The following NECTIN2 variants were observed in gnomAD, a reference collection of about 807,000 sequenced individuals.
The protein encoded by NECTIN2 is nectin-2.
NECTIN2 carries 23 observed loss-of-function variants against 56.9 expected under a neutral mutation model. The observed-to-expected ratio is 0.40, with a 90% CI of 0.29 to 0.57. The LOEUF is 0.57. NECTIN2 is among the 20% of genes least tolerant of loss of function. The probability of loss-of-function intolerance (pLI) is 0.38; values close to 1 mark genes in which losing one functional copy is unlikely to be tolerated. For synonymous variants in NECTIN2, 302 were observed against 313.8 expected (o/e 0.96, Z 0.40); for missense variants, 587 against 718.3 (o/e 0.82, Z 2.09).
chr19:44,884,302 C>T (rs529316460), intron 6 of NECTIN2, among the ~76,000 whole-genome samples: 205 of 152,144 alleles, frequency 1.3e-3, no homozygotes, highest in African/African-American at 4.8e-3. Context: ...AATGGGACCA[C>T]GTACCACCAC....
At chr19:44,870,368 G>A (rs1337991872) in intron 2 of NECTIN2, among the ~76,000 whole-genome samples, 1 of 152,112 alleles carries the variant, frequency 6.6e-6, no homozygotes, top group Non-Finnish European at 1.5e-5. Context: ...AGAAGGCGGT[G>A]GGAAGGGAGA....
At chr19:44,862,270 C>G (rs1227662916) in intron 1 of NECTIN2, among the ~76,000 whole-genome samples, 3 of 69,160 alleles carry the variant, frequency 4.3e-5, no homozygotes, top group Non-Finnish European at 7.9e-5. Context: ...AAAAAATTCA[C>G]TGTGTGTGGT....
At chr19:44,873,105 C>T (rs949296692) in intron 3 of NECTIN2, among the ~76,000 whole-genome samples, 1 of 151,876 alleles carries the variant, frequency 6.6e-6, no homozygotes, top group African/African-American at 2.4e-5. Context: ...CCTCTTCCAC[C>T]ACTGTCCAAA....
At chr19:44,866,985 C>T (rs2122669535) in intron 2 of NECTIN2, among the ~76,000 whole-genome samples, 2 of 152,068 alleles carry the variant, frequency 1.3e-5, no homozygotes, top group Admixed American at 1.3e-4. Flanking sequence ...CCATCCTAGG[C>T]AACATAGTAA....
rs34485333 is a variant in NECTIN2, at chr19:44,885,307, CTTTTTTTTTTTTT to C, written c.1197-620_1197-608del. On this transcript the variant is annotated intron_variant, in intron 6 of 8. Transcript: ENST00000252483. ...CACCACGCCTGGCTGATCTTTCTTT[CTTTTTTTTTTTTT>C]TTTTTTTTTAATTTGAGATGGCATC... 1.1e-4 allele frequency among the ~76,000 whole-genome samples: 12 copies of C among 112,902 alleles called. No homozygotes were observed. The Admixed American group carries it at 1.1e-3, about 11-fold the overall frequency. The allele number at this position is 112,902 out of a possible 152,430, so 74.1% of individuals were successfully genotyped here.
chr19:44,874,674 G>T lies in NECTIN2; in HGVS notation c.1042+196G>T. The T allele has an allele frequency of 3.1e-6, 2 of 640,702 alleles. No homozygotes were observed. Among genetic ancestry groups the T allele is most frequent in the Non-Finnish European group, 5.3e-6 (2 of 375,598 alleles). 39.7% of individuals were successfully genotyped at this position (640,702 alleles called of 1,614,324 possible). ...TGGGGTCTGGATTTGGGGTGTCGGG[G>T]TAGGTGAAGGCAGCAGAGTTGGGGG... On this transcript the variant is annotated intron_variant, in intron 5 of 8. Transcript: ENST00000252483. The surrounding 1 kb of genome is among the most constrained non-coding windows in gnomAD (Gnocchi z 6.3).
intron 1 of NECTIN2, among the ~76,000 whole-genome samples, chr19:44,855,312 C>T (rs1035435588): frequency 4.0e-5 from 6 of 151,332 alleles, no homozygotes; most frequent in African/African-American, 1.5e-4. Context: ...GTAGTCCCAG[C>T]TACTCGGGAG....
intron 5 of NECTIN2, among the ~76,000 whole-genome samples, chr19:44,877,033 C>T (rs905824191): frequency 8.5e-5 from 13 of 152,182 alleles, no homozygotes; most frequent in African/African-American, 3.1e-4. Context: ...TGTTTCACTC[C>T]TCAACCCAGT....
intron 1 of NECTIN2, among the ~76,000 whole-genome samples, chr19:44,864,387 C>G (rs1455360086): frequency 6.6e-6 from 1 of 152,116 alleles, no homozygotes; most frequent in African/African-American, 2.4e-5. Flanking sequence ...AAGGCAGGGT[C>G]TCACTCTGTT....
At chr19:44,863,030 T>C (rs1161844328) in intron 1 of NECTIN2, among the ~76,000 whole-genome samples, 3 of 146,136 alleles carry the variant, frequency 2.1e-5, no homozygotes, top group African/African-American at 7.6e-5. Context: ...GGCATGGTAG[T>C]GTGCGCCTGT....
intron 5 of NECTIN2, 65 bp from the exon 6 acceptor site, chr19:44,882,146 T>A: frequency 7.5e-7 from 1 of 1,328,214 alleles, no homozygotes. Context: ...GGTGGGATGG[T>A]CGCTTGGAAT....
At chr19:44,868,386 G>A (rs1238991494) in intron 2 of NECTIN2, among the ~76,000 whole-genome samples, 1 of 149,110 alleles carries the variant, frequency 6.7e-6, no homozygotes, top group Non-Finnish European at 1.5e-5. Context: ...CTCCCAGCGG[G>A]AAGGTGACTG....
chr19:44,868,351 C>CAAA (rs569384558), intron 2 of NECTIN2, among the ~76,000 whole-genome samples: 8 of 80,786 alleles, frequency 9.9e-5, no homozygotes, highest in East Asian at 3.5e-4. Flanking sequence ...GACCCTGTCT[C>CAAA]AAAAAAAAAA....
Position 44,875,937 on chromosome 19 carries a change from GGA to G in NECTIN2, c.1042+1461_1042+1462del, listed in dbSNP as rs1969231748. Among the ~76,000 whole-genome samples, 1 of 152,082 alleles carries G rather than the reference GGA, an allele frequency of 6.6e-6. No homozygotes were observed. The highest frequency in any genetic ancestry group is 2.4e-5 in the African/African-American group (1 of 41,392). On this transcript the variant is annotated intron_variant, in intron 5 of 8. Coordinates refer to ENST00000252483, the MANE Select transcript of NECTIN2 (RefSeq NM_001042724.2). The surrounding 1 kb of genome is among the most constrained non-coding windows in gnomAD (Gnocchi z 4.2). ...CGCGTGAGGATGCACATAAGTCCCC[GGA>G]GGAAGACGTCACACAGACACGCTGG...
intron 2 of NECTIN2, among the ~76,000 whole-genome samples, chr19:44,867,210 C>G (rs1013970760): frequency 6.6e-6 from 1 of 151,890 alleles, no homozygotes; most frequent in East Asian, 1.9e-4. Flanking sequence ...TTAGTAGAGA[C>G]GGGGTTGCAC....
At chr19:44,877,168 G>C (rs1401833488) in intron 5 of NECTIN2, among the ~76,000 whole-genome samples, 1 of 152,154 alleles carries the variant, frequency 6.6e-6, no homozygotes, top group Non-Finnish European at 1.5e-5. Flanking sequence ...CCCCCTGTTT[G>C]AAAACAACAG....
At chr19:44,887,867 G>C (rs918285617) in intron 8 of NECTIN2, among the ~76,000 whole-genome samples, 28 of 152,124 alleles carry the variant, frequency 1.8e-4, no homozygotes, top group African/African-American at 6.0e-4. Context: ...GGAAAGATTT[G>C]CAGAGATCGA....
chr19:44,873,825 C>A, intron 3 of NECTIN2, 91 bp from the exon 4 acceptor site: 1 of 960,720 alleles, frequency 1.0e-6, no homozygotes, highest in South Asian at 1.4e-5. Flanking sequence ...CCAACCCGCC[C>A]CGTTTCTTTA....
intron 1 of NECTIN2, among the ~76,000 whole-genome samples, chr19:44,863,338 A>C (rs943469032): frequency 3.9e-5 from 6 of 151,918 alleles, no homozygotes; most frequent in Non-Finnish European, 5.9e-5. Flanking sequence ...CACTGGTGGC[A>C]CATGCCTGCA....
Sources: gnomAD v4.1 joint callset for allele counts (sites outside exome capture counted in the v4.1 genomes callset) on GRCh38, gnomAD v4.1.1 for gene constraint, Gnocchi (gnomAD v3.1) non-coding constraint, MANE v1.5 for transcripts, NCBI Gene and HGNC (gene_info 2026-07-23, HGNC 2026-07-21) for gene names.